CTNNA1: variants seen among roughly 807,000 people sequenced by gnomAD.
CTNNA1 encodes the protein catenin alpha 1.
CTNNA1 carries 37 observed loss-of-function variants against 98.4 expected under a neutral mutation model. That is an observed-to-expected ratio of 0.38 (90% CI 0.29 to 0.49). The LOEUF is 0.49. Among genes scored for constraint, CTNNA1 ranks in the 20% least tolerant of loss-of-function variants. CTNNA1 has a pLI of 0.95. For missense variants in CTNNA1, 761 were observed against 1,147.2 expected, an observed-to-expected ratio of 0.66 and a Z score of 4.86; for synonymous variants, 404 against 413.2, an observed-to-expected ratio of 0.98 and a Z score of 0.27.
chr5:138,861,567 ATT>A (rs1764282473), intron 7 of CTNNA1, among the ~76,000 whole-genome samples: 1 of 152,182 alleles, frequency 6.6e-6, no homozygotes, highest in African/African-American at 2.4e-5. Context: ...CTACGCCCCA[ATT>A]CACATTCCCC....
At chr5:138,877,557 C>T (rs536570679) in intron 7 of CTNNA1, among the ~76,000 whole-genome samples, 3 of 151,960 alleles carry the variant, frequency 2.0e-5, no homozygotes, top group Non-Finnish European at 2.9e-5. Flanking sequence ...ACGCCATTCT[C>T]CTGCCTCAGC....
Position 138,873,996 on chromosome 5 carries a change from T to C in CTNNA1, c.1063-12216T>C. The C allele has an allele frequency of 1.2e-6, 2 of 1,613,996 alleles. No homozygotes were observed. The highest frequency in any genetic ancestry group is 1.7e-6 in the Non-Finnish European group (2 of 1,179,894). On this transcript the variant is annotated intron_variant, in intron 7 of 17. Coordinates refer to ENST00000302763, the MANE Select transcript of CTNNA1 (RefSeq NM_001903.5). The surrounding 1 kb of genome is among the most constrained non-coding windows in gnomAD (Gnocchi z 6.1). ...GCCAAACTTCGCAAACGATTTGTGC[T>C]CAAATCCAGAAACTCCAGACTACGA...
chr5:138,915,200 C>G (rs941142677), intron 10 of CTNNA1, among the ~76,000 whole-genome samples: 1 of 152,006 alleles, frequency 6.6e-6, no homozygotes, highest in African/African-American at 2.4e-5. Flanking sequence ...CCATAAGCAC[C>G]TTGTACCTAG....
At chr5:138,924,743 A>G in intron 12 of CTNNA1, 33 bp downstream of exon 12, 1 of 1,536,588 alleles carries the variant, frequency 6.5e-7, no homozygotes, top group Non-Finnish European at 8.8e-7. Context: ...GTGCTCGCAC[A>G]CACCGCAGCC....
chr5:138,838,262 A>T (rs1761976474), intron 7 of CTNNA1, among the ~76,000 whole-genome samples: 1 of 152,240 alleles, frequency 6.6e-6, no homozygotes, highest in Admixed American at 6.5e-5. Flanking sequence ...TAGATATAAA[A>T]CTAAGTTATG....
chr5:138,829,802 A>C (rs567706861), intron 7 of CTNNA1, among the ~76,000 whole-genome samples: 1 of 152,340 alleles, frequency 6.6e-6, no homozygotes, highest in Non-Finnish European at 1.5e-5. Flanking sequence ...CTGTAATCCC[A>C]GCACTTTGGG....
chr5:138,768,558 GTT>G (rs36038829), intron 1 of CTNNA1, among the ~76,000 whole-genome samples: 5,750 of 67,904 alleles, frequency 0.085, 403 homozygotes, highest in African/African-American at 0.24. Flanking sequence ...AACGGTGTCT[GTT>G]TTTTTTTTTT....
At chr5:138,916,205 A>T (rs544046203) in intron 10 of CTNNA1, among the ~76,000 whole-genome samples, 1 of 134,422 alleles carries the variant, frequency 7.4e-6, no homozygotes, top group East Asian at 1.9e-4. Flanking sequence ...GGGGCTAAGG[A>T]GAGTTAATGG....
intron 7 of CTNNA1, among the ~76,000 whole-genome samples, chr5:138,876,974 C>T (rs1751709012): frequency 6.6e-6 from 1 of 152,154 alleles, no homozygotes; most frequent in Non-Finnish European, 1.5e-5. Context: ...AGTCTTCGTA[C>T]CACAGGGCAG....
chr5:138,783,264 G>A lies in CTNNA1; in HGVS notation c.193G>A (p.Val65Ile), dbSNP rs748087788. ...SKKAHVLAAS[V>I]EQATENFLEK... ...GAAGGCCCATGTTTTGGCTGCATCT[G>A]TTGAACAAGCAACTGAGAATTTCTT... The change falls in exon 3 of 18, where the codon GTT becomes ATT. Residue 65 changes from valine to isoleucine, a missense_variant. Val to Ile is a conservative substitution (Grantham distance 29). Coordinates refer to ENST00000302763, the MANE Select transcript of CTNNA1 (RefSeq NM_001903.5). The A allele has an allele frequency of 3.1e-6, 5 of 1,614,048 alleles. No homozygotes were observed. In the African/African-American group the frequency reaches 5.3e-5, roughly 17 times the overall value.
At chr5:138,833,562 A>G (rs1317630602) in intron 7 of CTNNA1, among the ~76,000 whole-genome samples, 2 of 152,136 alleles carry the variant, frequency 1.3e-5, no homozygotes, top group Non-Finnish European at 2.9e-5. Context: ...CATTGGTTAT[A>G]TATGTATCTA....
intron 7 of CTNNA1, 70 bp from the exon 8 acceptor site, chr5:138,886,142 A>G (rs1287578952): frequency 7.1e-6 from 11 of 1,540,296 alleles, no homozygotes; most frequent in South Asian, 1.2e-5. Context: ...CATGAGCACA[A>G]ATGGCTATAG....
intron 1 of CTNNA1, among the ~76,000 whole-genome samples, chr5:138,764,298 G>A (rs1212368802): frequency 6.6e-6 from 1 of 151,988 alleles, no homozygotes; most frequent in African/African-American, 2.4e-5. Flanking sequence ...CCTGGAAGGC[G>A]GAGGTTGCAG....
chr5:138,902,889 C>CT (rs910917575), intron 9 of CTNNA1, among the ~76,000 whole-genome samples: 7 of 151,078 alleles, frequency 4.6e-5, no homozygotes, highest in Admixed American at 2.6e-4. Context: ...TATTTGTTTC[C>CT]TTTTTTTTTA....
chr5:138,778,208 A>G (rs190613523), intron 1 of CTNNA1, among the ~76,000 whole-genome samples: 1 of 151,624 alleles, frequency 6.6e-6, no homozygotes, highest in African/African-American at 2.4e-5. Flanking sequence ...GTTGACCAGG[A>G]TGGTTTCGAT....
intron 1 of CTNNA1, among the ~76,000 whole-genome samples, chr5:138,773,737 G>T (rs2149613127): frequency 6.6e-6 from 1 of 150,806 alleles, no homozygotes; most frequent in South Asian, 2.1e-4. Flanking sequence ...TTTAGACAGA[G>T]TCTCACTCTG....
At chr5:138,760,918 G>C (rs773789059) in intron 1 of CTNNA1, among the ~76,000 whole-genome samples, 6 of 152,174 alleles carry the variant, frequency 3.9e-5, no homozygotes, top group Non-Finnish European at 7.3e-5. Flanking sequence ...TAGAAGAGGA[G>C]ATGTCTCTCG....
rs757345467 is a variant in CTNNA1, at chr5:138,917,780, G to A, written c.1428G>A (p.Gln476=). ...CACTGGCTTTAGCAGCAAAACCACA[G>A]AGTAAACTGGCCCAAGAGAACATGG... ...NAALALAAKP[Q]SKLAQENMDL... is the part of the protein sequence containing the mutation. The change falls in exon 11 of 18, where the codon CAG becomes CAA. Residue 476 remains glutamine (Q), a synonymous_variant. Transcript: ENST00000302763. The A allele has an allele frequency of 1.9e-5, 30 of 1,614,030 alleles. No homozygotes were observed. The South Asian group carries it at 3.2e-4, about 17-fold the overall frequency.
intron 1 of CTNNA1, among the ~76,000 whole-genome samples, chr5:138,765,020 C>G (rs559452276): frequency 6.6e-6 from 1 of 151,620 alleles, no homozygotes; most frequent in Admixed American, 6.6e-5. Flanking sequence ...ATTACAGGTG[C>G]CTGCCACCAT....
Sources: allele counts gnomAD v4.1 joint callset (sites outside exome capture counted in the v4.1 genomes callset), GRCh38; gene constraint gnomAD v4.1.1; non-coding constraint Gnocchi (gnomAD v3.1); transcripts MANE v1.5; gene names NCBI Gene and HGNC (gene_info 2026-07-23, HGNC 2026-07-21).